The following CNTN5 variants were observed in gnomAD, a reference collection of about 807,000 sequenced individuals.
The protein encoded by CNTN5 is contactin 5, also known as contactin-5.
A neutral mutation model predicts 129.1 loss-of-function variants in CNTN5; 77 were observed. That is an observed-to-expected ratio of 0.60 (90% CI 0.50 to 0.72). The LOEUF (loss-of-function observed/expected upper bound fraction) is 0.72, where lower values mean the gene tolerates loss of function less well. Among genes scored for constraint, CNTN5 ranks in the 30% least tolerant of loss-of-function variants. The pLI, the probability that CNTN5 is intolerant of heterozygous loss-of-function variation, is 0.00. For missense variants in CNTN5, 1,478 were observed against 1,328.8 expected (o/e 1.11, Z -1.75); for synonymous variants, 509 against 465.6 (o/e 1.09, Z -1.20).
intron 6 of CNTN5, among the ~76,000 whole-genome samples, chr11:99,851,689 T>G (rs916097784): frequency 2.0e-5 from 3 of 152,248 alleles, no homozygotes; most frequent in Non-Finnish European, 4.4e-5. Flanking sequence ...CATACTGCTT[T>G]TCAGCGCATT....
chr11:100,073,798 A>G (rs1944022004), intron 12 of CNTN5, among the ~76,000 whole-genome samples: 1 of 152,208 alleles, frequency 6.6e-6, no homozygotes, highest in African/African-American at 2.4e-5. Flanking sequence ...CCATCTTACC[A>G]AAGGAAGGTC....
At chr11:100,209,535 A>C (rs1258118374) in intron 15 of CNTN5, among the ~76,000 whole-genome samples, 1 of 152,228 alleles carries the variant, frequency 6.6e-6, no homozygotes, top group Non-Finnish European at 1.5e-5. Context: ...AATCAGCAAC[A>C]GTTAGAAATT....
chr11:99,575,785 A>T (rs1242716080), intron 3 of CNTN5, among the ~76,000 whole-genome samples: 2 of 152,114 alleles, frequency 1.3e-5, no homozygotes, highest in African/African-American at 4.8e-5. Flanking sequence ...AGACAGGAGG[A>T]GGTGACTTCA....
chr11:99,886,228 T>G (rs1239356613), intron 6 of CNTN5, among the ~76,000 whole-genome samples: 1 of 151,994 alleles, frequency 6.6e-6, no homozygotes, highest in Non-Finnish European at 1.5e-5. Context: ...TTAATAACTC[T>G]TATTTAAAAT....
intron 10 of CNTN5, among the ~76,000 whole-genome samples, chr11:100,062,042 A>G (rs1347440571): frequency 6.6e-6 from 1 of 152,174 alleles, no homozygotes; most frequent in African/African-American, 2.4e-5. Context: ...AATTAGGAAA[A>G]TCTCGTTCAA....
intron 2 of CNTN5, among the ~76,000 whole-genome samples, chr11:99,543,220 G>C (rs571813379): frequency 7.9e-4 from 120 of 152,106 alleles, no homozygotes; most frequent in African/African-American, 2.7e-3. Context: ...TAAAGCTCTT[G>C]GACTTCAGAA....
chr11:100,016,086 G>A (rs1276211845), intron 9 of CNTN5, among the ~76,000 whole-genome samples: 2 of 151,960 alleles, frequency 1.3e-5, no homozygotes, highest in Non-Finnish European at 1.5e-5. Flanking sequence ...TTAACAGGCA[G>A]AACACAGAAG....
chr11:99,638,302 C>G (rs1193893383), intron 3 of CNTN5, among the ~76,000 whole-genome samples: 1 of 152,070 alleles, frequency 6.6e-6, no homozygotes, highest in African/African-American at 2.4e-5. Flanking sequence ...CCACTGGGTC[C>G]CTTCCACAAC....
chr11:99,871,822 T>C (rs1414503277), intron 6 of CNTN5, among the ~76,000 whole-genome samples: 2 of 151,984 alleles, frequency 1.3e-5, no homozygotes, highest in East Asian at 3.9e-4. Flanking sequence ...TTAAATCTAG[T>C]GATTGAAATT....
chr11:99,113,027 C>T (rs1223270501), intron 1 of CNTN5, among the ~76,000 whole-genome samples: 1 of 151,964 alleles, frequency 6.6e-6, no homozygotes, highest in Non-Finnish European at 1.5e-5. Flanking sequence ...CCTCAATAGT[C>T]ATACGAAAGG....
At chr11:99,209,208 T>G (rs1338718082) in intron 1 of CNTN5, among the ~76,000 whole-genome samples, 1 of 152,074 alleles carries the variant, frequency 6.6e-6, no homozygotes, top group African/African-American at 2.4e-5. Flanking sequence ...TTGAAGAAAC[T>G]CAAAGGCAGG....
At chr11:99,160,762 A>T (rs1328350536) in intron 1 of CNTN5, among the ~76,000 whole-genome samples, 1 of 152,192 alleles carries the variant, frequency 6.6e-6, no homozygotes, top group East Asian at 1.9e-4. Context: ...AAGACACAGA[A>T]TTTGACCCAA....
intron 1 of CNTN5, among the ~76,000 whole-genome samples, chr11:99,033,675 C>A (rs1158452293): frequency 6.6e-6 from 1 of 151,194 alleles, no homozygotes; most frequent in African/African-American, 2.4e-5. Context: ...TGGGCTGAGA[C>A]AATGGGGTTT....
intron 3 of CNTN5, among the ~76,000 whole-genome samples, chr11:99,717,226 G>C (rs1428282646): frequency 6.6e-6 from 1 of 151,938 alleles, no homozygotes; most frequent in African/African-American, 2.4e-5. Flanking sequence ...TATATCTGTT[G>C]ATTTGAACTT....
chr11:100,261,129 T>C (rs1950187769), intron 17 of CNTN5, among the ~76,000 whole-genome samples: 2 of 151,958 alleles, frequency 1.3e-5, no homozygotes, highest in Non-Finnish European at 2.9e-5. Flanking sequence ...GGGCAAAAAT[T>C]ACAAGCATTC....
chr11:100,172,523 A>T (rs1290225520), intron 13 of CNTN5, among the ~76,000 whole-genome samples: 1 of 152,028 alleles, frequency 6.6e-6, no homozygotes, highest in Non-Finnish European at 1.5e-5. Flanking sequence ...GTGGGTGAAA[A>T]GATAATAACT....
At chr11:100,311,532 T>C (rs966704033) in intron 21 of CNTN5, among the ~76,000 whole-genome samples, 1 of 151,974 alleles carries the variant, frequency 6.6e-6, no homozygotes, top group African/African-American at 2.4e-5. Flanking sequence ...CCAGCTAAGA[T>C]CACTGAATAT....
intron 3 of CNTN5, among the ~76,000 whole-genome samples, chr11:99,817,963 A>G (rs1946648317): frequency 6.6e-6 from 1 of 152,152 alleles, no homozygotes; most frequent in South Asian, 2.1e-4. Flanking sequence ...TATCATGCTC[A>G]TTTTAAGTGT....
At chr11:99,663,772 T>C (rs1419116683) in intron 3 of CNTN5, among the ~76,000 whole-genome samples, 13 of 152,142 alleles carry the variant, frequency 8.5e-5, no homozygotes, top group Admixed American at 8.5e-4. Context: ...ATTCTAAGTT[T>C]CCTGAGGCCT....
Sources: gnomAD v4.1 joint callset for allele counts (sites outside exome capture counted in the v4.1 genomes callset) on GRCh38, gnomAD v4.1.1 for gene constraint, MANE v1.5 for transcripts, NCBI Gene and HGNC (gene_info 2026-07-23, HGNC 2026-07-21) for gene names.